Variants in MAST2 observed in about 807,000 individuals in gnomAD.
MAST2 encodes microtubule-associated serine/threonine-protein kinase 2.
Under a neutral mutation model 147.4 loss-of-function variants are expected in MAST2, and 70 were observed. The ratio of observed to expected loss-of-function variants is 0.47; its 90% CI spans 0.39 to 0.58. MAST2 has a LOEUF of 0.58. MAST2 is among the 20% of genes least tolerant of loss of function. MAST2 has a pLI of 0.00. For missense variants in MAST2, 2,080 were observed against 2,302.3 expected (o/e 0.90, Z 1.98); for synonymous variants, 869 against 896.8 (o/e 0.97, Z 0.55).
Position 45,878,501 on chromosome 1 carries a change from C to T in MAST2, c.469-3863C>T, listed in dbSNP as rs1246544625. Among the ~76,000 whole-genome samples, 12 of 152,072 alleles carry T rather than the reference C, an allele frequency of 7.9e-5. No homozygotes were observed. The East Asian group carries it at 1.2e-3, about 15-fold the overall frequency. On this transcript the variant is annotated intron_variant, in intron 3 of 28. Coordinates refer to ENST00000361297, the MANE Select transcript of MAST2 (RefSeq NM_015112.3). ...TTGTAAGATCAGATGAGAAGCAAGA[C>T]GAGGATGTCTACCACTTCATTTAAC...
At chr1:45,901,745 A>G (rs977923616) in intron 4 of MAST2, among the ~76,000 whole-genome samples, 11 of 152,046 alleles carry the variant, frequency 7.2e-5, no homozygotes, top group Admixed American at 3.3e-4. Context: ...GGTTGTGGCA[A>G]TTGTAAATGG....
At chr1:45,961,715 T>A (rs934872812) in intron 5 of MAST2, among the ~76,000 whole-genome samples, 2 of 152,206 alleles carry the variant, frequency 1.3e-5, no homozygotes, top group Non-Finnish European at 2.9e-5. Flanking sequence ...CAGGCAGCAC[T>A]GATTGTTCCA....
chr1:46,010,609 C>T, intron 9 of MAST2, 121 bp from the exon 10 acceptor site: 1 of 748,150 alleles, frequency 1.3e-6, no homozygotes, highest in South Asian at 1.8e-5. Flanking sequence ...TCCCAAATGG[C>T]AGTTTAAGGA....
At chr1:45,980,156 A>C (rs1299059037) in intron 5 of MAST2, among the ~76,000 whole-genome samples, 1 of 151,858 alleles carries the variant, frequency 6.6e-6, no homozygotes, top group African/African-American at 2.4e-5. Context: ...GTCATGGCAC[A>C]CGCCTGTAAT....
intron 5 of MAST2, among the ~76,000 whole-genome samples, chr1:45,987,499 A>AATTT (rs1644674882): frequency 1.3e-5 from 2 of 152,082 alleles, no homozygotes; most frequent in Non-Finnish European, 2.9e-5. Context: ...CTTTGTAGAG[A>AATTT]TGGGGTCTCA....
intron 8 of MAST2, 99 bp downstream of exon 8, chr1:46,006,494 T>A: frequency 8.3e-7 from 1 of 1,203,878 alleles, no homozygotes; most frequent in Non-Finnish European, 1.1e-6. Context: ...GCCAAGATAG[T>A]AAATATTTTT....
chr1:46,000,985 A>T (rs978685010), intron 6 of MAST2: 17 of 1,289,502 alleles, frequency 1.3e-5, no homozygotes, highest in Non-Finnish European at 1.7e-5. Context: ...GACAGGTAAT[A>T]GCGGGTATAA....
At chr1:45,985,223 C>G (rs546695465) in intron 5 of MAST2, among the ~76,000 whole-genome samples, 1 of 151,602 alleles carries the variant, frequency 6.6e-6, no homozygotes, top group Non-Finnish European at 1.5e-5. Flanking sequence ...ATTACAGGCT[C>G]CTGCCACTAC....
intron 3 of MAST2, among the ~76,000 whole-genome samples, chr1:45,838,391 C>T (rs1645171144): frequency 6.6e-6 from 1 of 150,756 alleles, no homozygotes; most frequent in African/African-American, 2.4e-5. Flanking sequence ...GGCTAATTTT[C>T]TCTGTATTTT....
At chr1:45,853,737 T>C (rs537866469) in intron 3 of MAST2, among the ~76,000 whole-genome samples, 54 of 152,264 alleles carry the variant, frequency 3.5e-4, no homozygotes, top group Non-Finnish European at 6.3e-4. Context: ...CAATCAGCTT[T>C]CTTAGGTTGA....
Position 46,030,323 on chromosome 1 carries a change from C to T in MAST2, c.2553+85C>T, listed in dbSNP as rs1026312906. 6.5e-6 allele frequency: 9 copies of T among 1,374,424 alleles called. No individual in the cohort carries two copies. The East Asian group carries it at 1.2e-4, about 18-fold the overall frequency. The allele number at this position is 1,374,424 out of a possible 1,614,324, so 85.1% of individuals were successfully genotyped here. ...TGTCAAAGGGCACACCTGGGGCAGG[C>T]TCAGGGAGTTGGGGTTGGGGCCACC... On this transcript the variant is annotated intron_variant, in intron 21 of 28. Transcript: ENST00000361297.
chr1:46,022,858 T>C (rs1646245924), intron 12 of MAST2, 52 bp from the exon 13 acceptor site: 1 of 1,339,078 alleles, frequency 7.5e-7, no homozygotes, highest in Non-Finnish European at 1.1e-6. Context: ...AGGATACTGC[T>C]GAGATACCTG....
At chr1:45,804,213 C>G in intron 1 of MAST2, 141 bp downstream of exon 1, 1 of 1,052,718 alleles carries the variant, frequency 9.5e-7, no homozygotes, top group Non-Finnish European at 1.2e-6. Context: ...TCTGGGGAGG[C>G]CGAGAAATGG....
intron 4 of MAST2, chr1:45,913,892 G>C (rs767496418): frequency 1.6e-6 from 2 of 1,228,862 alleles, no homozygotes; most frequent in East Asian, 1.4e-4. Context: ...AAGGAGGTTG[G>C]GGTCTCTATG....
rs1329350083 is a variant in MAST2, at chr1:46,031,322, G to A, written c.2992+32G>A. 1.3e-6 allele frequency: 2 copies of A among 1,556,424 alleles called. No homozygotes were observed. The highest frequency in any genetic ancestry group is 1.7e-6 in the Non-Finnish European group (2 of 1,147,302). The stretch of plus-strand genomic sequence containing the variant: ...CCCAGTGGGCGGCCAAACGACCTAA[G>A]CTGGAGGATACTGCAGGGCAGGGAG... On this transcript the variant is annotated intron_variant, in intron 23 of 28. Coordinates refer to ENST00000361297, the MANE Select transcript of MAST2 (RefSeq NM_015112.3). This position sits in a 1 kb window ranked among gnomAD's most constrained non-coding sequence, Gnocchi z 4.1.
chr1:46,029,035 C>T, intron 18 of MAST2, 102 bp downstream of exon 18: 2 of 1,297,034 alleles, frequency 1.5e-6, no homozygotes, highest in African/African-American at 1.5e-5. Context: ...GTTCTGAACT[C>T]ATCATGTGTG....
intron 4 of MAST2, among the ~76,000 whole-genome samples, chr1:45,952,581 G>A (rs1449203850): frequency 6.6e-6 from 1 of 152,088 alleles, no homozygotes; most frequent in African/African-American, 2.4e-5. Context: ...CAACCAGACA[G>A]AAAAAGAAAA....
Position 46,035,293 on chromosome 1 carries a change from G to A in MAST2, c.4624G>A (p.Gly1542Arg). 1 of 1,613,950 alleles carries A rather than the reference G, an allele frequency of 6.2e-7. No homozygotes were observed. Among genetic ancestry groups the A allele is most frequent in the Non-Finnish European group, 8.5e-7 (1 of 1,179,982 alleles). ...SVAPKGAGES[G>R]EEDPFPSRDP... is the part of the protein sequence containing the mutation. The stretch of plus-strand genomic sequence containing the variant: ...GGCCCCTAAAGGAGCAGGAGAGAGT[G>A]GGGAAGAGGATCCTTTCCCGTCCAG... The change falls in exon 29 of 29, where the codon GGG becomes AGG. Residue 1542 changes from glycine (G) to arginine (R), a missense_variant. Physicochemically the swap from Gly to Arg is moderately radical, Grantham distance 125. Coordinates refer to ENST00000361297, the MANE Select transcript of MAST2 (RefSeq NM_015112.3). The surrounding 1 kb of genome is among the most constrained non-coding windows in gnomAD (Gnocchi z 5.5).
chr1:45,941,335 C>A (rs12116773), intron 4 of MAST2, among the ~76,000 whole-genome samples: 13,760 of 152,254 alleles, frequency 0.09, 852 homozygotes, highest in Middle Eastern at 0.14. Flanking sequence ...TCTCGGCTCA[C>A]TGCAGCCTCC....
Sources: gnomAD v4.1 joint callset for allele counts (sites outside exome capture counted in the v4.1 genomes callset) on GRCh38, gnomAD v4.1.1 for gene constraint, Gnocchi (gnomAD v3.1) non-coding constraint, MANE v1.5 for transcripts, NCBI Gene and HGNC (gene_info 2026-07-23, HGNC 2026-07-21) for gene names.